ADCY3: variants seen among roughly 807,000 people sequenced by gnomAD.
ADCY3 encodes the protein adenylate cyclase type 3.
ADCY3 carries 70 observed loss-of-function variants against 119.4 expected under a neutral mutation model. That is an observed-to-expected ratio of 0.59 (90% CI 0.48 to 0.72). ADCY3 has a LOEUF of 0.72. ADCY3 is among the 30% of genes least tolerant of loss of function. ADCY3 has a pLI of 0.00. For synonymous variants in ADCY3, 672 were observed against 621.4 expected, an observed-to-expected ratio of 1.08 and a Z score of -1.21; for missense variants, 1,238 against 1,541.6, an observed-to-expected ratio of 0.80 and a Z score of 3.30.
chr2:24,848,930 A>G (rs993398980), intron 3 of ADCY3, among the ~76,000 whole-genome samples: 3 of 152,180 alleles, frequency 2.0e-5, no homozygotes, highest in African/African-American at 7.2e-5. Flanking sequence ...GATACAAGGA[A>G]GGGCCCTGCC....
intron 2 of ADCY3, among the ~76,000 whole-genome samples, chr2:24,909,039 T>A (rs1663257296): frequency 6.6e-6 from 1 of 152,228 alleles, no homozygotes. Context: ...TCTGCAACTC[T>A]AGACCTTTCT....
chr2:24,838,642 GC>G lies in ADCY3; in HGVS notation c.1356-21del. On this transcript the variant is annotated intron_variant, in intron 7 of 21. Coordinates refer to ENST00000679454, the MANE Select transcript of ADCY3 (RefSeq NM_004036.5). ...ACGCGCCTGGATTGCAGAGAGAGAG[GC>G]CCTGAGCGTCGGCCAGAGGTGGCCC... is the stretch of plus-strand genomic sequence containing the variant. 1 of 1,612,622 alleles carries G rather than the reference GC, an allele frequency of 6.2e-7. No individual in the cohort carries two copies. Among genetic ancestry groups the G allele is most frequent in the South Asian group, 1.1e-5 (1 of 91,022 alleles).
intron 3 of ADCY3, among the ~76,000 whole-genome samples, chr2:24,870,697 T>G (rs1321645268): frequency 5.9e-5 from 9 of 152,206 alleles, no homozygotes; most frequent in Non-Finnish European, 8.8e-5. Flanking sequence ...CCCTCTCTGC[T>G]GGTGCCCAGG....
Position 24,872,765 on chromosome 2 carries a change from G to A in ADCY3, c.676-46C>T, listed in dbSNP as rs150681497. ...GAGAAAAGGCCAGGGGTGAAGGCACGTCTTCAGAAAAGGGGATGGAGAAGG... is the reference window on the plus strand; with the variant it reads ...GAGAAAAGGCCAGGGGTGAAGGCACATCTTCAGAAAAGGGGATGGAGAAGG... On this transcript the variant is annotated intron_variant, in intron 2 of 21. Transcript: ENST00000679454. The surrounding 1 kb of genome is among the most constrained non-coding windows in gnomAD (Gnocchi z 4.4). 1.8e-4 allele frequency: 281 copies of A among 1,592,858 alleles called. No individual in the cohort carries two copies. In the African/African-American group the frequency reaches 2.7e-3, roughly 15 times the overall value.
chr2:24,866,577 A>AG (rs1358254380), intron 3 of ADCY3, among the ~76,000 whole-genome samples: 4 of 150,242 alleles, frequency 2.7e-5, no homozygotes, highest in African/African-American at 7.3e-5. Flanking sequence ...AAAAAAAAAA[A>AG]AAAAAAAAGA....
intron 3 of ADCY3, among the ~76,000 whole-genome samples, chr2:24,849,838 G>A (rs946155146): frequency 5.3e-5 from 8 of 152,220 alleles, no homozygotes; most frequent in South Asian, 2.1e-4. Flanking sequence ...TCTGGCAACC[G>A]CCTCTGAATG....
chr2:24,892,662 T>C (rs1351016757), intron 2 of ADCY3, among the ~76,000 whole-genome samples: 2 of 152,236 alleles, frequency 1.3e-5, no homozygotes, highest in Non-Finnish European at 1.5e-5. Flanking sequence ...CTATAAATAT[T>C]CCTTTGGTAC....
intron 13 of ADCY3, among the ~76,000 whole-genome samples, chr2:24,829,033 T>C (rs1039611195): frequency 5.9e-5 from 9 of 152,002 alleles, no homozygotes; most frequent in Admixed American, 4.6e-4. Context: ...TTTTTTTTTT[T>C]TGAGATGGAG....
In ADCY3 at chr2:24,851,532, A is replaced by G. The variant is rs117640330; in HGVS notation, c.826-9148T>C. Among the ~76,000 whole-genome samples the G allele has an allele frequency of 2.1e-3, 321 of 152,238 alleles. 7 individuals are homozygous for G. The East Asian group carries it at 0.054, about 25-fold the overall frequency. On this transcript the variant is annotated intron_variant, in intron 3 of 21. Coordinates refer to ENST00000679454, the MANE Select transcript of ADCY3 (RefSeq NM_004036.5). Reference sequence around the variant, plus strand: ...ACACATCCCAAAGGGTTAGCGGTAGACCCTGAACCCAGGGCTCTGAGACCC... The same window carrying G: ...ACACATCCCAAAGGGTTAGCGGTAGGCCCTGAACCCAGGGCTCTGAGACCC...
chr2:24,830,621 G>T lies in ADCY3; in HGVS notation c.2172+88C>A, dbSNP rs1669355508. On this transcript the variant is annotated intron_variant, in intron 13 of 21. Transcript: ENST00000679454. ...AAAGCTACATGACGGTGGAGGGATG[G>T]ACTGAGAAACTGCTTGTGTGACCCA... is the stretch of plus-strand genomic sequence containing the variant. 4 of 965,558 alleles carry T rather than the reference G, an allele frequency of 4.1e-6. No individual in the cohort carries two copies. In the South Asian group the frequency reaches 6.0e-5, roughly 15 times the overall value. 59.8% of individuals were successfully genotyped at this position (965,558 alleles called of 1,614,324 possible).
rs1679315598 is a variant in ADCY3, at chr2:24,905,056, T to C, written c.675+13257A>G. 2.0e-5 allele frequency among the ~76,000 whole-genome samples: 3 copies of C among 152,176 alleles called. No individual in the cohort carries two copies. The South Asian group carries it at 6.2e-4, about 32-fold the overall frequency. Reference sequence around the variant, plus strand: ...GTCCAGCAAGCAAAGCCATGATCACTATAGAGAGATGGGAAGGTACAGTTT... The same window carrying C: ...GTCCAGCAAGCAAAGCCATGATCACCATAGAGAGATGGGAAGGTACAGTTT... On this transcript the variant is annotated intron_variant, in intron 2 of 21. Transcript: ENST00000679454.
intron 2 of ADCY3, among the ~76,000 whole-genome samples, chr2:24,893,736 C>T (rs1415921658): frequency 6.6e-6 from 1 of 151,838 alleles, no homozygotes; most frequent in African/African-American, 2.4e-5. Flanking sequence ...GCCTCACAAA[C>T]AGCTGGGACT....
chr2:24,841,399 G>A lies in ADCY3; in HGVS notation c.1069-13C>T, dbSNP rs1444808317. On this transcript the variant is annotated splice_polypyrimidine_tract_variant and intron_variant, in intron 5 of 21. Transcript: ENST00000679454. This position sits in a 1 kb window ranked among gnomAD's most constrained non-coding sequence, Gnocchi z 5.8. Reference sequence around the variant, plus strand: ...GCTGGTGGTATTTCTGAAAGGGGAGGGCCTGGCCTGTGCTCCAGCCCCTCC... The same window carrying A: ...GCTGGTGGTATTTCTGAAAGGGGAGAGCCTGGCCTGTGCTCCAGCCCCTCC... The A allele has an allele frequency of 1.2e-6, 2 of 1,610,352 alleles. No individual in the cohort carries two copies. Among genetic ancestry groups the A allele is most frequent in the Non-Finnish European group, 1.7e-6 (2 of 1,178,608 alleles).
chr2:24,841,317 G>T lies in ADCY3; in HGVS notation c.1138C>A (p.Arg380=). 1 of 1,588,228 alleles carries T rather than the reference G, an allele frequency of 6.3e-7. No individual in the cohort carries two copies. The highest frequency in any genetic ancestry group is 2.3e-5 in the East Asian group (1 of 43,838). The part of the protein sequence containing the change: ...YYCICGLPDY[R]EDHAVCSILM... The stretch of plus-strand genomic sequence containing the variant: ...ATGGAGCAGACGGCGTGGTCCTCCC[G>T]GTAGTCGGGCAAGCCGCAGATGCAG... Residue 380 remains arginine, a synonymous_variant, in exon 6 of 22, where the codon CGG becomes AGG. Transcript: ENST00000679454. This position sits in a 1 kb window ranked among gnomAD's most constrained non-coding sequence, Gnocchi z 5.8.
At chr2:24,911,592 G>A (rs1363354092) in intron 2 of ADCY3, among the ~76,000 whole-genome samples, 1 of 143,592 alleles carries the variant, frequency 7.0e-6, no homozygotes, top group African/African-American at 2.6e-5. Flanking sequence ...GGAGGCTGCA[G>A]TGAGCCAAGA....
At chr2:24,895,030 T>C (rs949745532) in intron 2 of ADCY3, among the ~76,000 whole-genome samples, 1 of 152,172 alleles carries the variant, frequency 6.6e-6, no homozygotes, top group Non-Finnish European at 1.5e-5. Context: ...CTGGTTACTT[T>C]TATGAGTGTA....
chr2:24,865,367 C>T (rs1301649248), intron 3 of ADCY3, among the ~76,000 whole-genome samples: 2 of 152,054 alleles, frequency 1.3e-5, no homozygotes, highest in South Asian at 2.1e-4. Flanking sequence ...ATCGCTTAAA[C>T]CCAGGAGGCG....
intron 3 of ADCY3, among the ~76,000 whole-genome samples, chr2:24,849,709 T>C (rs1202933919): frequency 6.6e-6 from 1 of 151,954 alleles, no homozygotes; most frequent in African/African-American, 2.4e-5. Context: ...AAGACGTCAG[T>C]GCGTGCAGAA....
At position 24,830,880 on chromosome 2, in the gene ADCY3, G is replaced by A. The variant is rs569087382; in HGVS notation, c.2056-55C>T. The A allele has an allele frequency of 2.2e-4, 309 of 1,379,796 alleles. 5 individuals are homozygous for A. In the South Asian group the frequency reaches 3.6e-3, roughly 16 times the overall value. The allele number at this position is 1,379,796 out of a possible 1,614,324, so 85.5% of individuals were successfully genotyped here. On this transcript the variant is annotated intron_variant, in intron 12 of 21. Coordinates refer to ENST00000679454, the MANE Select transcript of ADCY3 (RefSeq NM_004036.5). The stretch of plus-strand genomic sequence containing the variant: ...AGCCTTTGCCAGTCCTTTCTCCTGC[G>A]ACGTGACTGACAGCAACTCAGGCTG...
Sources: gnomAD v4.1 joint callset for allele counts (sites outside exome capture counted in the v4.1 genomes callset) on GRCh38, gnomAD v4.1.1 for gene constraint, Gnocchi (gnomAD v3.1) non-coding constraint, MANE v1.5 for transcripts, NCBI Gene and HGNC (gene_info 2026-07-23, HGNC 2026-07-21) for gene names.